TMEM47: variants seen among roughly 807,000 people sequenced by gnomAD.
TMEM47 encodes the protein brain cell membrane protein 1.
In TMEM47, 3 loss-of-function variants were observed where a neutral mutation model predicts 12.4. That is an observed-to-expected ratio of 0.24 (90% CI 0.11 to 0.63). The LOEUF is 0.63. Ranked by LOEUF, TMEM47 falls within the 20% of genes least tolerant of loss-of-function variation. The probability of loss-of-function intolerance (pLI) is 0.86; values close to 1 mark genes in which losing one functional copy is unlikely to be tolerated. For synonymous variants in TMEM47, 62 were observed against 63.3 expected (o/e 0.98, Z 0.10); for missense variants, 89 against 143.8 (o/e 0.62, Z 1.95).
intron 1 of TMEM47, among the ~76,000 whole-genome samples, chrX:34,639,781 C>T (rs1240875699): frequency 9.0e-6 from 1 of 111,036 alleles, no homozygotes; most frequent in Non-Finnish European, 1.9e-5. Flanking sequence ...ATTTATACAC[C>T]ATCCAGATTA....
chrX:34,646,070 C>T (rs1178602056), intron 1 of TMEM47, among the ~76,000 whole-genome samples: 3 of 111,250 alleles, frequency 2.7e-5, no homozygotes, highest in East Asian at 5.6e-4. Context: ...ATAACCCTAA[C>T]GACCAAAATG....
At chrX:34,638,881 A>G (rs1454899149) in intron 2 of TMEM47, among the ~76,000 whole-genome samples, 1 of 112,085 alleles carries the variant, frequency 8.9e-6, no homozygotes, top group Non-Finnish European at 1.9e-5. Context: ...TCAGTTCCTT[A>G]TCAGAAAAAA....
intron 1 of TMEM47, 90 bp downstream of exon 1, chrX:34,656,714 G>A (rs1462409787): frequency 8.9e-7 from 1 of 1,120,698 alleles, no homozygotes. Context: ...GAGGATGCGG[G>A]GACGTGGGGA....
chrX:34,646,663 CCTA>C (rs1921916002), intron 1 of TMEM47, among the ~76,000 whole-genome samples: 1 of 111,506 alleles, frequency 9.0e-6, no homozygotes, highest in Non-Finnish European at 1.9e-5. Context: ...ACAAAGAAAA[CCTA>C]CTACTCCAGG....
At chrX:34,639,670 T>C (rs1921779746) in intron 1 of TMEM47, among the ~76,000 whole-genome samples, 1 of 111,880 alleles carries the variant, frequency 8.9e-6, no homozygotes, top group Non-Finnish European at 1.9e-5. Flanking sequence ...GTCCCCTCCA[T>C]GACCTATTTT....
chrX:34,657,196 C>A lies in TMEM47; in HGVS notation c.-167G>T. ...CTGCCGCGCGGCCAAGGTGGGTCTG[C>A]GGAGGCGGCCGGCCGGGTGTGGGTC... On this transcript the variant is annotated 5_prime_UTR_variant, in exon 1 of 3. Transcript: ENST00000275954. The A allele has an allele frequency of 5.2e-6, 4 of 774,902 alleles. No individual in the cohort carries two copies. In the East Asian group the frequency reaches 1.8e-4, roughly 35 times the overall value. The allele number at this position is 774,902 out of a possible 1,213,427, so 63.9% of individuals were successfully genotyped here.
intron 1 of TMEM47, among the ~76,000 whole-genome samples, chrX:34,646,208 C>A (rs1426320326): frequency 9.0e-6 from 1 of 110,887 alleles, no homozygotes; most frequent in Non-Finnish European, 1.9e-5. Context: ...GAAAAAAAAA[C>A]ACACATACTT....
intron 1 of TMEM47, among the ~76,000 whole-genome samples, chrX:34,640,185 T>C (rs1435220344): frequency 2.7e-5 from 3 of 111,515 alleles, no homozygotes; most frequent in African/African-American, 9.8e-5. Flanking sequence ...CCATCACGGG[T>C]GTGGTTTCTA....
Position 34,657,120 on chromosome X carries a change from C to G in TMEM47, c.-91G>C, listed in dbSNP as rs1378671238. 9.6e-7 allele frequency: 1 copy of G among 1,046,287 alleles called. No individual in the cohort carries two copies. Among genetic ancestry groups the G allele is most frequent in the Non-Finnish European group, 1.2e-6 (1 of 820,089 alleles). The allele number at this position is 1,046,287 out of a possible 1,213,427, so 86.2% of individuals were successfully genotyped here. Reference sequence around the variant, plus strand: ...AGCCGGACCTCCCGAAGGGAGAAGCCGCCGAGCTGCCACGCGCGGGGACTC... The same window carrying G: ...AGCCGGACCTCCCGAAGGGAGAAGCGGCCGAGCTGCCACGCGCGGGGACTC... On this transcript the variant is annotated 5_prime_UTR_variant, in exon 1 of 3. Coordinates refer to ENST00000275954, the MANE Select transcript of TMEM47 (RefSeq NM_031442.4).
Position 34,657,253 on chromosome X carries a change from C to T in TMEM47, c.-224G>A. On this transcript the variant is annotated 5_prime_UTR_variant, in exon 1 of 3. Transcript: ENST00000275954. The stretch of plus-strand genomic sequence containing the variant: ...AGCCGCAGCGACGTCGATTCCACCC[C>T]GGACCTTCGCCGCCGGCCCCGCGCC... 2.6e-6 allele frequency: 1 copy of T among 388,068 alleles called. No homozygotes were observed. Among genetic ancestry groups the T allele is most frequent in the Non-Finnish European group, 3.7e-6 (1 of 272,064 alleles). 32.0% of individuals were successfully genotyped at this position (388,068 alleles called of 1,213,427 possible). A position where few individuals can be genotyped will look rare whatever the true frequency, so the allele number is the denominator to read the frequency against.
In TMEM47 at chrX:34,639,457, C is replaced by A. The variant is rs1921775916; in HGVS notation, c.227-70G>T. 2.8e-6 allele frequency: 3 copies of A among 1,060,241 alleles called. No homozygotes were observed. The South Asian group carries it at 6.5e-5, about 23-fold the overall frequency. 87.4% of individuals were successfully genotyped at this position (1,060,241 alleles called of 1,213,427 possible). On this transcript the variant is annotated intron_variant, in intron 1 of 2. Transcript: ENST00000275954. The stretch of plus-strand genomic sequence containing the variant: ...GAATCAACAGAACTATGTTCAGCAG[C>A]CTTCACCTTGCAGTGGCTCAACAGA...
chrX:34,646,130 G>C (rs1048969327), intron 1 of TMEM47, among the ~76,000 whole-genome samples: 1 of 111,372 alleles, frequency 9.0e-6, no homozygotes, highest in African/African-American at 3.3e-5. Flanking sequence ...CAAAATGCCA[G>C]ATGGGTTACT....
At chrX:34,647,741 C>G (rs1569164409) in intron 1 of TMEM47, among the ~76,000 whole-genome samples, 1 of 112,189 alleles carries the variant, frequency 8.9e-6, no homozygotes, top group Non-Finnish European at 1.9e-5. Context: ...GCTGAAAGAA[C>G]ATTCAATCTT....
intron 1 of TMEM47, among the ~76,000 whole-genome samples, chrX:34,655,740 CTA>C (rs775077002): frequency 2.3e-4 from 24 of 106,171 alleles, no homozygotes; most frequent in African/African-American, 8.0e-4. Context: ...TCTCAGGTGT[CTA>C]TGTGTGTGTG....
In TMEM47 at chrX:34,650,804, ATCTC is replaced by A. The variant is rs1478204009; in HGVS notation, c.226+5996_226+5999del. Among the ~76,000 whole-genome samples the A allele has an allele frequency of 4.5e-5, 5 of 112,247 alleles. No individual in the cohort carries two copies. In the East Asian group the frequency reaches 1.1e-3, roughly 25 times the overall value. ...AAAGATTTTGGAAGGTTTTACATGT[ATCTC>A]TCTGTTTGTGGAAAAGTTAGGTTCT... On this transcript the variant is annotated intron_variant, in intron 1 of 2. Transcript: ENST00000275954.
At chrX:34,639,832 C>T (rs188545959) in intron 1 of TMEM47, among the ~76,000 whole-genome samples, 8 of 111,222 alleles carry the variant, frequency 7.2e-5, no homozygotes, top group African/African-American at 2.6e-4. Context: ...TTCTCTTGCG[C>T]CCCTTCCCAG....
At chrX:34,643,952 G>T (rs981411529) in intron 1 of TMEM47, among the ~76,000 whole-genome samples, 15 of 110,846 alleles carry the variant, frequency 1.4e-4, no homozygotes, top group Non-Finnish European at 2.3e-4. Context: ...GCCATGTTAC[G>T]TGTCAGGTTC....
chrX:34,630,968 C>T (rs1454300813), intron 2 of TMEM47, among the ~76,000 whole-genome samples: 4 of 107,287 alleles, frequency 3.7e-5, no homozygotes, highest in East Asian at 2.9e-4. Flanking sequence ...GTCAGGAGTT[C>T]GAGACCAGTC....
chrX:34,630,345 G>A lies in TMEM47; in HGVS notation c.514C>T (p.Leu172=). The change falls in exon 3 of 3, where the codon CTG becomes TTG. Residue 172 remains leucine, a synonymous_variant. Transcript: ENST00000275954. Reference sequence around the variant, plus strand: ...TAGTCTTCATAGTTCTTAGGGTTCAGGCAATAAAGGATGGCACCCCCAAAC... The same window carrying A: ...TAGTCTTCATAGTTCTTAGGGTTCAAGCAATAAAGGATGGCACCCCCAAAC... The part of the protein sequence containing the change: ...FSFGGAILYC[L]NPKNYEDYY The A allele has an allele frequency of 1.7e-6, 2 of 1,209,954 alleles. No individual in the cohort carries two copies. The highest frequency in any genetic ancestry group is 2.2e-6 in the Non-Finnish European group (2 of 894,718).
Sources: allele counts gnomAD v4.1 joint callset (sites outside exome capture counted in the v4.1 genomes callset), GRCh38; gene constraint gnomAD v4.1.1; transcripts MANE v1.5; gene names NCBI Gene and HGNC (gene_info 2026-07-23, HGNC 2026-07-21).